TBC1D12: variants seen among roughly 807,000 people sequenced by gnomAD.
TBC1D12 encodes the protein TBC1 domain family member 12, also known as TBC1 domain family, member 12.
Under a neutral mutation model 86.7 loss-of-function variants are expected in TBC1D12, and 56 were observed. The ratio of observed to expected loss-of-function variants is 0.65; its 90% CI spans 0.52 to 0.81. The LOEUF is 0.81. TBC1D12 is among the 30% of genes least tolerant of loss of function. The pLI is 0.00. For synonymous variants in TBC1D12, 421 were observed against 411.7 expected (o/e 1.02, Z -0.27); for missense variants, 1,023 against 1,038.8 (o/e 0.98, Z 0.21).
intron 6 of TBC1D12, among the ~76,000 whole-genome samples, chr10:94,501,096 G>GAATAAATAAATA (rs35244809): frequency 6.7e-6 from 1 of 148,850 alleles, no homozygotes; most frequent in South Asian, 2.1e-4. Context: ...ATGAATGAAT[G>GAATAAATAAATA]AATAAATAAA....
Position 94,533,095 on chromosome 10 carries a change from AG to A in TBC1D12, c.2328del (p.Ter776TyrfsTer5). 1.3e-6 allele frequency: 2 copies of A among 1,582,928 alleles called. No individual in the cohort carries two copies. ...AACAGTAGTCCTGCTTTGAAAAGCT[AG>A]TCTTCAAAATTGACAGACTAACTGA... ...DKNSSPALKS* is the reference protein window; with the variant it reads ...DKNSSPALKSX On this transcript the variant is annotated frameshift_variant and stop_lost, in exon 13 of 13. Coordinates refer to ENST00000225235, the MANE Select transcript of TBC1D12 (RefSeq NM_015188.2). LOFTEE classifies it high-confidence loss of function.
intron 3 of TBC1D12, among the ~76,000 whole-genome samples, chr10:94,485,217 A>G (rs1271567920): frequency 6.6e-6 from 1 of 152,142 alleles, no homozygotes; most frequent in African/African-American, 2.4e-5. Flanking sequence ...TAAATATGAT[A>G]CTGCAAGTCT....
intron 2 of TBC1D12, among the ~76,000 whole-genome samples, chr10:94,472,546 T>C (rs761648552): frequency 1.2e-4 from 19 of 152,230 alleles, no homozygotes; most frequent in Non-Finnish European, 2.5e-4. Context: ...CATGGTATTC[T>C]GTTTGGCAGT....
chr10:94,460,753 T>C (rs2055715981), intron 2 of TBC1D12, among the ~76,000 whole-genome samples: 2 of 152,084 alleles, frequency 1.3e-5, no homozygotes, highest in South Asian at 4.1e-4. Context: ...CCCAGTGTTC[T>C]TGGATATTCT....
intron 6 of TBC1D12, among the ~76,000 whole-genome samples, chr10:94,500,716 C>G (rs1415425059): frequency 6.6e-6 from 1 of 152,040 alleles, no homozygotes; most frequent in African/African-American, 2.4e-5. Context: ...AGTTTCTTTT[C>G]CTCCTTCTTT....
In TBC1D12 at chr10:94,474,688, G is replaced by C; in HGVS notation, c.1116G>C (p.Gly372=). ...IIQQEYEART[G]RTCKPPPQSS... ...TCTAGGAATATGAAGCACGAACGGG[G>C]AGGACCTGTAAACCACCACCTCAGT... is the stretch of plus-strand genomic sequence containing the variant. Residue 372 remains glycine (G), a synonymous_variant, in exon 3 of 13, where the codon GGG becomes GGC. Coordinates refer to ENST00000225235, the MANE Select transcript of TBC1D12 (RefSeq NM_015188.2). 1.2e-6 allele frequency: 2 copies of C among 1,614,046 alleles called. No individual in the cohort carries two copies. Among genetic ancestry groups the C allele is most frequent in the Non-Finnish European group, 1.7e-6 (2 of 1,180,000 alleles).
At chr10:94,514,966 G>A (rs1413000892) in intron 9 of TBC1D12, among the ~76,000 whole-genome samples, 1 of 139,182 alleles carries the variant, frequency 7.2e-6, no homozygotes, top group Non-Finnish European at 1.5e-5. Flanking sequence ...GGAGTGCAGT[G>A]GCGGGATCTC....
chr10:94,406,808 A>G (rs528473319), intron 1 of TBC1D12, among the ~76,000 whole-genome samples: 2 of 152,230 alleles, frequency 1.3e-5, no homozygotes, highest in African/African-American at 4.8e-5. Context: ...CCTTACTCCC[A>G]CTTCATTTTT....
chr10:94,489,780 T>A (rs182196992), intron 3 of TBC1D12, among the ~76,000 whole-genome samples: 1 of 152,214 alleles, frequency 6.6e-6, no homozygotes, highest in Admixed American at 6.5e-5. Context: ...TAGAGAGAGA[T>A]GGGAATGGTC....
At chr10:94,417,920 T>G (rs1377407619) in intron 1 of TBC1D12, among the ~76,000 whole-genome samples, 2 of 151,730 alleles carry the variant, frequency 1.3e-5, no homozygotes, top group Non-Finnish European at 2.9e-5. Flanking sequence ...GCCTAATTAT[T>G]TTTTTTTGAG....
intron 1 of TBC1D12, among the ~76,000 whole-genome samples, chr10:94,437,991 C>CTTTTTTTTT (rs60477158): frequency 6.7e-5 from 2 of 30,034 alleles, no homozygotes; most frequent in African/African-American, 3.2e-4. Context: ...TCTCCTGGAG[C>CTTTTTTTTT]TTTTTTTTTT....
intron 1 of TBC1D12, among the ~76,000 whole-genome samples, chr10:94,414,224 T>G (rs1000370811): frequency 6.6e-6 from 1 of 152,216 alleles, no homozygotes; most frequent in Non-Finnish European, 1.5e-5. Context: ...GAAAGTATGG[T>G]AAAGATAATA....
At chr10:94,463,514 T>G (rs2055761032) in intron 2 of TBC1D12, among the ~76,000 whole-genome samples, 1 of 152,330 alleles carries the variant, frequency 6.6e-6, no homozygotes, top group African/African-American at 2.4e-5. Flanking sequence ...AATCCATTCA[T>G]GAGGGCAGAG....
At chr10:94,481,300 T>A (rs1408179343) in intron 3 of TBC1D12, among the ~76,000 whole-genome samples, 1 of 152,104 alleles carries the variant, frequency 6.6e-6, no homozygotes, top group African/African-American at 2.4e-5. Flanking sequence ...TCTGTCTTGC[T>A]TAGAAAATAC....
At chr10:94,424,956 A>G (rs1456117081) in intron 1 of TBC1D12, among the ~76,000 whole-genome samples, 1 of 152,208 alleles carries the variant, frequency 6.6e-6, no homozygotes, top group African/African-American at 2.4e-5. Context: ...TAGGGAGGTG[A>G]TCAACAGGAG....
intron 6 of TBC1D12, among the ~76,000 whole-genome samples, chr10:94,502,345 GAATA>G (rs1018024217): frequency 2.7e-5 from 4 of 150,142 alleles, no homozygotes; most frequent in African/African-American, 4.9e-5. Flanking sequence ...AAATAAAATA[GAATA>G]AATAAATAAA....
At chr10:94,442,651 G>A (rs1325219669) in intron 2 of TBC1D12, among the ~76,000 whole-genome samples, 4 of 152,166 alleles carry the variant, frequency 2.6e-5, no homozygotes, top group Non-Finnish European at 4.4e-5. Flanking sequence ...AGAATGGAAA[G>A]CAGTGAGACT....
chr10:94,417,725 C>T lies in TBC1D12; in HGVS notation c.971+14141C>T, dbSNP rs141990363. ...AAAAAAATTGAGACTTCCATAATTA[C>T]CTCTATGTATATGTGTCTCTTCTTC... is the stretch of plus-strand genomic sequence containing the variant. On this transcript the variant is annotated intron_variant, in intron 1 of 12. Coordinates refer to ENST00000225235, the MANE Select transcript of TBC1D12 (RefSeq NM_015188.2). Among the ~76,000 whole-genome samples, 555 of 151,470 alleles carry T rather than the reference C, an allele frequency of 3.7e-3. 2 individuals are homozygous for T. The highest frequency in any genetic ancestry group is 0.013 in the African/African-American group (534 of 41,318).
chr10:94,425,822 T>G (rs575503631), intron 1 of TBC1D12, among the ~76,000 whole-genome samples: 7 of 152,276 alleles, frequency 4.6e-5, no homozygotes, highest in African/African-American at 1.4e-4. Flanking sequence ...ATCTAGCCAT[T>G]TATTTGGGTC....
Sources: gnomAD v4.1 joint callset for allele counts (sites outside exome capture counted in the v4.1 genomes callset) on GRCh38, gnomAD v4.1.1 for gene constraint, MANE v1.5 for transcripts, NCBI Gene and HGNC (gene_info 2026-07-23, HGNC 2026-07-21) for gene names.